The following MRPS17 variants were observed in gnomAD, a reference collection of about 807,000 sequenced individuals.
MRPS17 encodes the protein mitochondrial ribosomal protein S17.
Under a neutral mutation model 11.3 loss-of-function variants are expected in MRPS17, and 6 were observed. The observed-to-expected ratio is 0.53, with a 90% CI of 0.29 to 1.05. MRPS17 has a LOEUF of 1.05. Among genes scored for constraint, MRPS17 ranks in the 50% least tolerant of loss-of-function variants. MRPS17 has a pLI of 0.08. For missense variants in MRPS17, 139 were observed against 153.6 expected (o/e 0.90, Z 0.50); for synonymous variants, 56 against 60.4 (o/e 0.93, Z 0.34).
rs868749537 is a variant in MRPS17, at chr7:55,953,216, C to T, written c.21C>T (p.Ser7=). 5.0e-6 allele frequency: 8 copies of T among 1,613,944 alleles called. No homozygotes were observed. Among genetic ancestry groups the T allele is most frequent in the East Asian group, 2.2e-5 (1 of 44,890 alleles). The change falls in exon 2 of 3, where the codon TCC becomes TCT. Residue 7 remains serine (S), a synonymous_variant. Transcript: ENST00000285298. MSVVRS[S]VHARWIVGKV... is the part of the protein sequence containing the mutation. ...ACGTAATGTCCGTAGTTCGCTCATC[C>T]GTCCATGCCAGATGGATTGTGGGGA...
chr7:55,953,088 C>G, intron 1 of MRPS17, 91 bp from the exon 2 acceptor site: 2 of 1,412,814 alleles, frequency 1.4e-6, no homozygotes, highest in East Asian at 2.4e-5. Flanking sequence ...AAGAAAAAAA[C>G]TGTTTCTGGA....
intron 2 of MRPS17, among the ~76,000 whole-genome samples, chr7:55,953,996 T>C (rs887837009): frequency 1.3e-5 from 2 of 151,808 alleles, no homozygotes; most frequent in Non-Finnish European, 2.9e-5. Context: ...GCCCTGGGGG[T>C]TGGGGATCCC....
In MRPS17 at chr7:55,955,498, A is replaced by G. The variant is rs926203626; in HGVS notation, c.*320A>G. ...ACCCAGGCTGGAGTGCAGTGGTGCA[A>G]TCTTGGCTCACTGCAAGCTCCGCCT... is the stretch of plus-strand genomic sequence containing the variant. On this transcript the variant is annotated 3_prime_UTR_variant, in exon 3 of 3. Coordinates refer to ENST00000285298, the MANE Select transcript of MRPS17 (RefSeq NM_015969.3). The G allele has an allele frequency of 4.2e-6, 1 of 240,014 alleles. No individual in the cohort carries two copies. The highest frequency in any genetic ancestry group is 8.1e-6 in the Non-Finnish European group (1 of 123,188). The allele number at this position is 240,014 out of a possible 1,614,324, so 14.9% of individuals were successfully genotyped here.
At chr7:55,954,391 C>A (rs948807940) in intron 2 of MRPS17, among the ~76,000 whole-genome samples, 1 of 152,132 alleles carries the variant, frequency 6.6e-6, no homozygotes, top group East Asian at 1.9e-4. Flanking sequence ...CCTCCCTGAA[C>A]TTTTCTCATA....
In MRPS17 at chr7:55,954,576, AC is replaced by A. The variant is rs533811858; in HGVS notation, c.124-332del. ...AACCCCATCTCTACTAAAAAAACAT[AC>A]AAAAAATTAGCCGGGCATGGTGGCA... is the stretch of plus-strand genomic sequence containing the variant. On this transcript the variant is annotated intron_variant, in intron 2 of 2. Transcript: ENST00000285298. 5.9e-5 allele frequency among the ~76,000 whole-genome samples: 9 copies of A among 152,230 alleles called. No homozygotes were observed. In the South Asian group the frequency reaches 1.9e-3, roughly 32 times the overall value.
Position 55,953,293 on chromosome 7 carries a change from T to G in MRPS17, c.98T>G (p.Leu33Arg), listed in dbSNP as rs747595912. 3.7e-6 allele frequency: 6 copies of G among 1,613,876 alleles called. No homozygotes were observed. The highest frequency in any genetic ancestry group is 5.1e-6 in the Non-Finnish European group (6 of 1,180,008). ...ACTGCTAAAGTGAGAGTGACCAGGC[T>G]TGTTCTGGATCCCTATTTATTAAAG... ...QKTAKVRVTR[L>R]VLDPYLLKYF... Residue 33 changes from leucine to arginine, a missense_variant, in exon 2 of 3, where the codon CTT becomes CGT. Physicochemically the swap from Leu to Arg is moderately radical, Grantham distance 102. Coordinates refer to ENST00000285298, the MANE Select transcript of MRPS17 (RefSeq NM_015969.3).
At chr7:55,953,154 T>C (rs1177964904) in intron 1 of MRPS17, 25 bp from the exon 2 acceptor site, 2 of 1,613,260 alleles carry the variant, frequency 1.2e-6, no homozygotes, top group Non-Finnish European at 1.7e-6. Flanking sequence ...CACCAGAATA[T>C]GAGACTTTGG....
intron 1 of MRPS17, among the ~76,000 whole-genome samples, chr7:55,952,487 A>C (rs527264921): frequency 7.9e-5 from 12 of 151,700 alleles, no homozygotes; most frequent in African/African-American, 2.9e-4. Context: ...TAATCCCAGC[A>C]CTTTGGGAGG....
rs911619407 is a variant in MRPS17 at position 55,955,283 on chromosome 7, G to A, written c.*105G>A. 15 of 1,408,676 alleles carry A rather than the reference G, an allele frequency of 1.1e-5. No homozygotes were observed. The South Asian group carries it at 1.7e-4, about 16-fold the overall frequency. The allele number at this position is 1,408,676 out of a possible 1,614,324, so 87.3% of individuals were successfully genotyped here. On this transcript the variant is annotated 3_prime_UTR_variant, in exon 3 of 3. Coordinates refer to ENST00000285298, the MANE Select transcript of MRPS17 (RefSeq NM_015969.3). The stretch of plus-strand genomic sequence containing the variant: ...ACAAACTGTGTCCAGTTTCTCTGTG[G>A]TGTTTATGAAATAGCTAAAAGCAAA...
chr7:55,955,535 G>A lies in MRPS17; in HGVS notation c.*357G>A, dbSNP rs541635649. ...TGCAAGCTCCGCCTCCCGGGTTCACGCCGTTCTCCTGCCTCAGCCTCCCGA... is the reference window on the plus strand; with the variant it reads ...TGCAAGCTCCGCCTCCCGGGTTCACACCGTTCTCCTGCCTCAGCCTCCCGA... On this transcript the variant is annotated 3_prime_UTR_variant, in exon 3 of 3. Coordinates refer to ENST00000285298, the MANE Select transcript of MRPS17 (RefSeq NM_015969.3). The A allele has an allele frequency of 2.7e-5, 5 of 181,848 alleles. No homozygotes were observed. Among genetic ancestry groups the A allele is most frequent in the Admixed American group, 1.8e-4 (3 of 16,590 alleles). 11.3% of individuals were successfully genotyped at this position (181,848 alleles called of 1,614,324 possible).
intron 2 of MRPS17, among the ~76,000 whole-genome samples, chr7:55,953,929 T>C (rs1306557796): frequency 6.6e-6 from 1 of 152,158 alleles, no homozygotes; most frequent in Non-Finnish European, 1.5e-5. Flanking sequence ...TCAACGCCAC[T>C]CACCTCCTGC....
chr7:55,955,282 G>A lies in MRPS17; in HGVS notation c.*104G>A. ...CACAAACTGTGTCCAGTTTCTCTGTGGTGTTTATGAAATAGCTAAAAGCAA... is the reference window on the plus strand; with the variant it reads ...CACAAACTGTGTCCAGTTTCTCTGTAGTGTTTATGAAATAGCTAAAAGCAA... On this transcript the variant is annotated 3_prime_UTR_variant, in exon 3 of 3. Transcript: ENST00000285298. 1 of 1,416,018 alleles carries A rather than the reference G, an allele frequency of 7.1e-7. No individual in the cohort carries two copies. Among genetic ancestry groups the A allele is most frequent in the Non-Finnish European group, 9.5e-7 (1 of 1,048,240 alleles). The allele number at this position is 1,416,018 out of a possible 1,614,324, so 87.7% of individuals were successfully genotyped here.
At chr7:55,953,843 TTG>T (rs1786687274) in intron 2 of MRPS17, among the ~76,000 whole-genome samples, 1 of 152,132 alleles carries the variant, frequency 6.6e-6, no homozygotes, top group Admixed American at 6.6e-5. Flanking sequence ...ACAATAGGGT[TTG>T]TGCTCCTATA....
At chr7:55,953,782 AT>A (rs1380081434) in intron 2 of MRPS17, among the ~76,000 whole-genome samples, 2 of 150,994 alleles carry the variant, frequency 1.3e-5, no homozygotes, top group Non-Finnish European at 2.9e-5. Context: ...CAATTGTACC[AT>A]TGCACTCCAT....
At position 55,955,129 on chromosome 7, in the gene MRPS17, C is replaced by T; in HGVS notation, c.344C>T (p.Thr115Ile). The stretch of plus-strand genomic sequence containing the variant: ...GAGAGTCCGTTGAGTTCGGAAACCA[C>T]CCAGCTAAGCAAAAATCTGGAAGAA... ...YLESPLSSET[T>I]QLSKNLEELN... The change falls in exon 3 of 3, where the codon ACC (threonine) becomes ATC (isoleucine). Residue 115 changes from threonine (T) to isoleucine (I), a missense_variant. Physicochemically the swap from Thr to Ile is moderately conservative, Grantham distance 89. Transcript: ENST00000285298. The T allele has an allele frequency of 1.2e-6, 2 of 1,614,128 alleles. No homozygotes were observed. The highest frequency in any genetic ancestry group is 1.7e-6 in the Non-Finnish European group (2 of 1,180,042).
chr7:55,953,340 G>A (rs550539947), intron 2 of MRPS17, 22 bp downstream of exon 2: 7 of 1,611,578 alleles, frequency 4.3e-6, no homozygotes, highest in Admixed American at 1.7e-5. Context: ...TCTTGTTTCC[G>A]GGTGGCTTTG....
chr7:55,954,453 C>T lies in MRPS17; in HGVS notation c.124-456C>T, dbSNP rs968777938. On this transcript the variant is annotated intron_variant, in intron 2 of 2. Transcript: ENST00000285298. ...AAAGAATAGGTGATTCTAGGCTGGGCGCGGTGGCTCATGCCTGTAATCCCA... is the reference window on the plus strand; with the variant it reads ...AAAGAATAGGTGATTCTAGGCTGGGTGCGGTGGCTCATGCCTGTAATCCCA... 3.3e-5 allele frequency among the ~76,000 whole-genome samples: 5 copies of T among 152,104 alleles called. No individual in the cohort carries two copies. The East Asian group carries it at 7.7e-4, about 24-fold the overall frequency.
Position 55,953,253 on chromosome 7 carries a change from A to G in MRPS17, c.58A>G (p.Thr20Ala), listed in dbSNP as rs1361980440. Residue 20 changes from threonine to alanine, a missense_variant, in exon 2 of 3, where the codon ACA becomes GCA. Thr to Ala is a moderately conservative substitution (Grantham distance 58). Transcript: ENST00000285298. ...ATGGATTGTGGGGAAGGTGATTGGG[A>G]CAAAAATGCAAAAGACTGCTAAAGT... ...ARWIVGKVIG[T>A]KMQKTAKVRV... The G allele has an allele frequency of 1.2e-6, 2 of 1,614,194 alleles. No homozygotes were observed.
chr7:55,955,111 C>T lies in MRPS17; in HGVS notation c.326C>T (p.Pro109Leu), dbSNP rs550097910. 56 of 1,614,112 alleles carry T rather than the reference C, an allele frequency of 3.5e-5. No individual in the cohort carries two copies. The highest frequency in any genetic ancestry group is 2.2e-4 in the South Asian group (20 of 91,082). Reference sequence around the variant, plus strand: ...GCTGGAACTACCTACCTGGAGAGTCCGTTGAGTTCGGAAACCACCCAGCTA... The same window carrying T: ...GCTGGAACTACCTACCTGGAGAGTCTGTTGAGTTCGGAAACCACCCAGCTA... ...PCAGTTYLES[P>L]LSSETTQLSK... The change falls in exon 3 of 3, where the codon CCG becomes CTG. Residue 109 changes from proline to leucine, a missense_variant. Transcript: ENST00000285298.
Sources: gnomAD v4.1 joint callset for allele counts (sites outside exome capture counted in the v4.1 genomes callset) on GRCh38, gnomAD v4.1.1 for gene constraint, MANE v1.5 for transcripts, NCBI Gene and HGNC (gene_info 2026-07-23, HGNC 2026-07-21) for gene names.